ARL5C: variants seen among roughly 807,000 people sequenced by gnomAD.
ARL5C encodes ARF like GTPase 5C.
In ARL5C, 21 loss-of-function variants were observed where a neutral mutation model predicts 20.8. That is an observed-to-expected ratio of 1.01 (90% CI 0.72 to 1.46). ARL5C has a LOEUF of 1.46. Ranked by LOEUF, ARL5C falls within the 40% of genes most tolerant of loss-of-function variation. The pLI is 0.00. For synonymous variants in ARL5C, 71 were observed against 81.6 expected, an observed-to-expected ratio of 0.87 and a Z score of 0.70; for missense variants, 199 against 225.1, an observed-to-expected ratio of 0.88 and a Z score of 0.74.
At chr17:39,161,145 G>C in intron 4 of ARL5C, 123 bp downstream of exon 4, 1 of 907,236 alleles carries the variant, frequency 1.1e-6, no homozygotes, top group Non-Finnish European at 1.7e-6. Context: ...CCCTCCTCAT[G>C]CTGCTGGTAT....
rs1203409211 is a variant in ARL5C at position 39,165,068 on chromosome 17, G to A, written c.107+11C>T. 2.4e-5 allele frequency: 38 copies of A among 1,551,502 alleles called. No individual in the cohort carries two copies. Among genetic ancestry groups the A allele is most frequent in the Non-Finnish European group, 3.3e-5 (38 of 1,146,876 alleles). On this transcript the variant is annotated intron_variant, in intron 2 of 5. Transcript: ENST00000269586. ...CCAGCTCTCTACCCTCCCCGCCCGA[G>A]AGTCACTTACAACCGGTAGAGAATG...
chr17:39,162,696 T>A lies in ARL5C; in HGVS notation c.255+15A>T, dbSNP rs773173691. 6.4e-7 allele frequency: 1 copy of A among 1,550,732 alleles called. No homozygotes were observed. The highest frequency in any genetic ancestry group is 1.4e-5 in the African/African-American group (1 of 73,164). On this transcript the variant is annotated intron_variant, in intron 3 of 5. Coordinates refer to ENST00000269586, the MANE Select transcript of ARL5C (RefSeq NM_001143968.1). ...GCCTGCCTTGGAGACCCTTCAGCCC[T>A]GGTGCCCTCCTCACCTCAGTGTTGG...
At chr17:39,159,022 GTTTTTTTTT>G (rs869126572) in intron 5 of ARL5C, among the ~76,000 whole-genome samples, 2 of 52,456 alleles carry the variant, frequency 3.8e-5, no homozygotes, top group Admixed American at 2.7e-4. Flanking sequence ...TTTATCACTT[GTTTTTTTTT>G]TTTTTTTTTT....
At chr17:39,162,002 G>A (rs2144045837) in intron 3 of ARL5C, among the ~76,000 whole-genome samples, 1 of 152,262 alleles carries the variant, frequency 6.6e-6, no homozygotes, top group East Asian at 1.9e-4. Context: ...TATGTATCTT[G>A]CTCTTGACCA....
intron 2 of ARL5C, among the ~76,000 whole-genome samples, chr17:39,163,700 GCT>G (rs1491232631): frequency 8.4e-6 from 1 of 118,776 alleles, no homozygotes; most frequent in Non-Finnish European, 1.6e-5. Context: ...CCACAGTTTT[GCT>G]TTTTTTTTTT....
At chr17:39,161,126 A>C in intron 4 of ARL5C, 142 bp downstream of exon 4, 1 of 785,918 alleles carries the variant, frequency 1.3e-6, no homozygotes, top group Non-Finnish European at 2.1e-6. Context: ...TTCATCAGGC[A>C]CAAACCAGCC....
At chr17:39,158,107 A>AGGAGGGAG (rs371365476) in intron 5 of ARL5C, among the ~76,000 whole-genome samples, 86 of 117,196 alleles carry the variant, frequency 7.3e-4, no homozygotes, top group Middle Eastern at 5.0e-3. Flanking sequence ...AAGAAAGGGA[A>AGGAGGGAG]GGAGGGAGGG....
At chr17:39,162,337 T>C (rs991306554) in intron 3 of ARL5C, among the ~76,000 whole-genome samples, 1 of 152,220 alleles carries the variant, frequency 6.6e-6, no homozygotes, top group African/African-American at 2.4e-5. Context: ...TCTTGCTCTG[T>C]TGCCCAGGCT....
rs1457562614 is a variant in ARL5C at position 39,157,865 on chromosome 17, G to A, written c.492-923C>T. On this transcript the variant is annotated intron_variant, in intron 5 of 5. Transcript: ENST00000269586. Reference sequence around the variant, plus strand: ...TCCCAGCACTTTGGGAGGCCGAGGCGGGCGGATCATGAGGTCAGGAGATCG... The same window carrying A: ...TCCCAGCACTTTGGGAGGCCGAGGCAGGCGGATCATGAGGTCAGGAGATCG... Among the ~76,000 whole-genome samples, 12 of 151,346 alleles carry A rather than the reference G, an allele frequency of 7.9e-5. 1 individual carries two copies. Among genetic ancestry groups the A allele is most frequent in the Admixed American group, 4.6e-4 (7 of 15,226 alleles).
At chr17:39,165,664 A>C (rs1214169545) in intron 1 of ARL5C, 51 bp downstream of exon 1, 8 of 1,550,518 alleles carry the variant, frequency 5.2e-6, no homozygotes, top group African/African-American at 1.4e-5. Flanking sequence ...GAGGAGTCCC[A>C]GAAGAGGGCG....
chr17:39,161,237 C>T (rs1237118225), intron 4 of ARL5C, 31 bp downstream of exon 4: 2 of 1,538,778 alleles, frequency 1.3e-6, no homozygotes, highest in Non-Finnish European at 1.8e-6. Flanking sequence ...GCTAGTACCA[C>T]TGGGCCCTCT....
chr17:39,163,345 C>CCTTCCTTTCTTTCTTTCTTT (rs1555576104), intron 2 of ARL5C, among the ~76,000 whole-genome samples: 61 of 136,864 alleles, frequency 4.5e-4, no homozygotes, highest in Non-Finnish European at 7.8e-4. Context: ...CAGGCTTTTG[C>CCTTCCTTTCTTTCTTTCTTT]CTTTCTTTCT....
At chr17:39,157,559 G>A (rs1299047237) in intron 5 of ARL5C, among the ~76,000 whole-genome samples, 1 of 152,064 alleles carries the variant, frequency 6.6e-6, no homozygotes, top group Non-Finnish European at 1.5e-5. Flanking sequence ...GGAGGCGGAG[G>A]CGGGTGGATC....
intron 2 of ARL5C, chr17:39,164,243 C>G (rs1307672036): frequency 6.6e-6 from 1 of 152,200 alleles, no homozygotes; most frequent in East Asian, 1.9e-4. Flanking sequence ...TTTTGCATTC[C>G]TAATAAGCTT....
chr17:39,156,829 T>C, downstream of ARL5C: 1 of 1,534,982 alleles, frequency 6.5e-7, no homozygotes, highest in Non-Finnish European at 8.8e-7. Flanking sequence ...AAATAGCCAC[T>C]TGATTTTCCA....
At chr17:39,157,601 C>A (rs894615104) in intron 5 of ARL5C, among the ~76,000 whole-genome samples, 1 of 149,910 alleles carries the variant, frequency 6.7e-6, no homozygotes, top group Admixed American at 6.7e-5. Context: ...ACCAGCCTGA[C>A]CAACATGGAG....
At chr17:39,161,469 A>G in intron 3 of ARL5C, 118 bp from the exon 4 acceptor site, 1 of 871,088 alleles carries the variant, frequency 1.1e-6, no homozygotes, top group Non-Finnish European at 1.8e-6. Flanking sequence ...AGAGAAATGA[A>G]AGCATGCAGC....
Position 39,162,708 on chromosome 17 carries a change from C to T in ARL5C, c.255+3G>A. ...GACCCTTCAGCCCTGGTGCCCTCCT[C>T]ACCTCAGTGTTGGAGTAGTATGTGT... is the stretch of plus-strand genomic sequence containing the variant. On this transcript the variant is annotated splice_donor_region_variant and intron_variant, in intron 3 of 5. Transcript: ENST00000269586. The T allele has an allele frequency of 6.4e-7, 1 of 1,551,378 alleles. No homozygotes were observed.
At chr17:39,162,674 T>A in intron 3 of ARL5C, 37 bp downstream of exon 3, 1 of 1,543,170 alleles carries the variant, frequency 6.5e-7, no homozygotes, top group Non-Finnish European at 8.8e-7. Context: ...ATCACACGCC[T>A]GCCTTGGAGA....
Sources: gnomAD v4.1 joint callset for allele counts (sites outside exome capture counted in the v4.1 genomes callset) on GRCh38, gnomAD v4.1.1 for gene constraint, MANE v1.5 for transcripts, NCBI Gene and HGNC (gene_info 2026-07-23, HGNC 2026-07-21) for gene names.